ITGB3: variants seen among roughly 807,000 people sequenced by gnomAD.
ITGB3 encodes integrin beta-3.
A neutral mutation model predicts 85.8 loss-of-function variants in ITGB3; 48 were observed. The ratio of observed to expected loss-of-function variants is 0.56; its 90% CI spans 0.44 to 0.71. The LOEUF is 0.71. ITGB3 is among the 30% of genes least tolerant of loss of function. The pLI is 0.00. For missense variants in ITGB3, 861 were observed against 1,019.1 expected, an observed-to-expected ratio of 0.84 and a Z score of 2.11; for synonymous variants, 363 against 395.6, an observed-to-expected ratio of 0.92 and a Z score of 0.98.
Position 47,292,521 on chromosome 17 carries a change from A to G in ITGB3, c.1643A>G (p.Glu548Gly). The G allele has an allele frequency of 6.2e-7, 1 of 1,605,176 alleles. No homozygotes were observed. The highest frequency in any genetic ancestry group is 8.5e-7 in the Non-Finnish European group (1 of 1,179,880). ...GGCAAGATCACGGGCAAGTACTGCG[A>G]GTGTGACGACTTCTCCTGTGTCCGC... ...DFGKITGKYC[E>G]CDDFSCVRYK... Residue 548 changes from glutamate (E) to glycine (G), a missense_variant, in exon 10 of 15, where the codon GAG (glutamate) becomes GGG (glycine). Glu to Gly is a moderately conservative substitution (Grantham distance 98). Transcript: ENST00000559488.
In ITGB3 at chr17:47,286,275, C is replaced by T. The variant is rs1299160909; in HGVS notation, c.630C>T (p.Cys210=). 5.0e-6 allele frequency: 8 copies of T among 1,614,058 alleles called. No homozygotes were observed. Among genetic ancestry groups the T allele is most frequent in the Non-Finnish European group, 6.8e-6 (8 of 1,180,036 alleles). The change falls in exon 5 of 15, where the codon TGC becomes TGT. Residue 210 remains cysteine, a synonymous_variant. Coordinates refer to ENST00000559488, the MANE Select transcript of ITGB3 (RefSeq NM_000212.3). ...ENPCYDMKTT[C]LPMFGYKHVL... is the part of the protein sequence containing the mutation. ...CCCTCCCCAGTATGAAGACCACCTG[C>T]TTGCCCATGTTTGGCTACAAACACG...
chr17:47,255,233 C>T (rs1166603774), intron 1 of ITGB3, among the ~76,000 whole-genome samples: 1 of 152,120 alleles, frequency 6.6e-6, no homozygotes, highest in Non-Finnish European at 1.5e-5. Flanking sequence ...CCCACCTCAG[C>T]CTCCCAAAGT....
Position 47,300,342 on chromosome 17 carries a change from C to T in ITGB3, c.1914-136C>T, listed in dbSNP as rs530002159. On this transcript the variant is annotated intron_variant, in intron 11 of 14. Coordinates refer to ENST00000559488, the MANE Select transcript of ITGB3 (RefSeq NM_000212.3). ...CCCAGGATTGTCTTACAGGCGCGCG[C>T]GCGCGTGTGTGTGTGTGTGTGTGTG... is the stretch of plus-strand genomic sequence containing the variant. 0.042 allele frequency: 28,885 copies of T among 693,144 alleles called. 786 individuals are homozygous for T. The highest frequency in any genetic ancestry group is 0.097 in the Middle Eastern group (258 of 2,666). The allele number at this position is 693,144 out of a possible 1,614,324, so 42.9% of individuals were successfully genotyped here. A position where few individuals can be genotyped will look rare whatever the true frequency, so the allele number is the denominator to read the frequency against.
intron 1 of ITGB3, among the ~76,000 whole-genome samples, chr17:47,256,481 C>T (rs1006210020): frequency 6.6e-6 from 1 of 151,678 alleles, no homozygotes; most frequent in Non-Finnish European, 1.5e-5. Context: ...ATACCCCCCC[C>T]CCCAACCTCA....
chr17:47,260,798 T>G (rs2065006468), intron 1 of ITGB3, among the ~76,000 whole-genome samples: 1 of 73,224 alleles, frequency 1.4e-5, no homozygotes, highest in Non-Finnish European at 3.2e-5. Flanking sequence ...GTTTATTCCT[T>G]TTTTTTTTTC....
chr17:47,292,700 T>C (rs2143114669), intron 10 of ITGB3, 132 bp downstream of exon 10: 1 of 897,380 alleles, frequency 1.1e-6, no homozygotes, highest in Non-Finnish European at 1.7e-6. Flanking sequence ...TCCTAATCTT[T>C]TTGAGTATAA....
At chr17:47,276,120 AGT>A (rs1439156633) in intron 2 of ITGB3, among the ~76,000 whole-genome samples, 1 of 152,144 alleles carries the variant, frequency 6.6e-6, no homozygotes, top group Non-Finnish European at 1.5e-5. Flanking sequence ...CAGAAGCCCT[AGT>A]GTCACTCAAA....
Position 47,308,091 on chromosome 17 carries a change from A to G in ITGB3, c.2301+454A>G, listed in dbSNP as rs570275246. On this transcript the variant is annotated intron_variant, in intron 14 of 14. Coordinates refer to ENST00000559488, the MANE Select transcript of ITGB3 (RefSeq NM_000212.3). Reference sequence around the variant, plus strand: ...TGAAGCAGGAGGATTGCTTGAACCCAGTAGGTAGAGGTTGTAGTGAGCTGA... The same window carrying G: ...TGAAGCAGGAGGATTGCTTGAACCCGGTAGGTAGAGGTTGTAGTGAGCTGA... Among the ~76,000 whole-genome samples the G allele has an allele frequency of 4.0e-5, 6 of 151,204 alleles. No homozygotes were observed. The South Asian group carries it at 1.3e-3, about 32-fold the overall frequency.
rs398122374 is a variant in ITGB3 at position 47,307,567 on chromosome 17, T to G, written c.2231T>G (p.Leu744Arg). The G allele has an allele frequency of 1.2e-6, 2 of 1,614,178 alleles. No homozygotes were observed. Among genetic ancestry groups the G allele is most frequent in the Admixed American group, 1.7e-5 (1 of 60,016 alleles). Residue 744 changes from leucine (L) to arginine (R), a missense_variant, in exon 14 of 15, where the codon CTC becomes CGC. Transcript: ENST00000559488. Reference sequence around the variant, plus strand: ...GCCGCCCTGCTCATCTGGAAACTCCTCATCACCATCCACGACCGAAAAGAA... The same window carrying G: ...GCCGCCCTGCTCATCTGGAAACTCCGCATCACCATCCACGACCGAAAAGAA... Reference protein sequence around the residue: ...GLAALLIWKLLITIHDRKEFA... With the variant: ...GLAALLIWKLRITIHDRKEFA...
chr17:47,307,087 T>C (rs2065191263), intron 13 of ITGB3, among the ~76,000 whole-genome samples: 1 of 152,198 alleles, frequency 6.6e-6, no homozygotes, highest in African/African-American at 2.4e-5. Flanking sequence ...TACCTATTAT[T>C]TCATCACCCA....
chr17:47,274,179 A>T (rs2065054759), intron 1 of ITGB3, among the ~76,000 whole-genome samples: 1 of 152,178 alleles, frequency 6.6e-6, no homozygotes, highest in Non-Finnish European at 1.5e-5. Flanking sequence ...TTGCCCTGTC[A>T]CTTGTTACCA....
chr17:47,277,961 CAA>C (rs1259325431), intron 2 of ITGB3, among the ~76,000 whole-genome samples: 1 of 152,108 alleles, frequency 6.6e-6, no homozygotes, highest in Non-Finnish European at 1.5e-5. Context: ...ATCTGGAGGA[CAA>C]ATGTTCATCT....
chr17:47,286,182 C>A, intron 4 of ITGB3, 78 bp from the exon 5 acceptor site: 1 of 1,519,802 alleles, frequency 6.6e-7, no homozygotes, highest in Non-Finnish European at 9.1e-7. Flanking sequence ...CTATATTTGT[C>A]CCCTCTCTTT....
rs117851206 is a variant in ITGB3, at chr17:47,280,334, G to A, written c.166-3020G>A. ...GAGAGAGACTTTAAGCATTGGGAAG[G>A]GTTTTGGGTTACAGGGTTTTTTTGT... On this transcript the variant is annotated intron_variant, in intron 2 of 14. Transcript: ENST00000559488. 6.1e-4 allele frequency among the ~76,000 whole-genome samples: 93 copies of A among 152,160 alleles called. 2 individuals are homozygous for A. In the East Asian group the frequency reaches 0.018, roughly 29 times the overall value.
chr17:47,290,064 T>C, intron 7 of ITGB3, 121 bp from the exon 8 acceptor site: 1 of 850,128 alleles, frequency 1.2e-6, no homozygotes, highest in Non-Finnish European at 2.0e-6. Context: ...CAGTGACAAT[T>C]GAAATATCCC....
At chr17:47,275,549 G>C (rs1278923046) in intron 2 of ITGB3, among the ~76,000 whole-genome samples, 1 of 152,218 alleles carries the variant, frequency 6.6e-6, no homozygotes, top group Non-Finnish European at 1.5e-5. Context: ...ACAAGTCCCA[G>C]CCCTCTCCAG....
chr17:47,290,484 GA>G (rs1328665835), intron 8 of ITGB3, among the ~76,000 whole-genome samples: 5 of 152,214 alleles, frequency 3.3e-5, no homozygotes, highest in Admixed American at 2.0e-4. Context: ...GAGAAAGAAG[GA>G]AAGAAGATGG....
chr17:47,307,327 T>C, intron 13 of ITGB3, 144 bp from the exon 14 acceptor site: 1 of 866,728 alleles, frequency 1.2e-6, no homozygotes, highest in South Asian at 1.5e-5. Flanking sequence ...CTAATGATTG[T>C]CTCCTTAAAA....
intron 2 of ITGB3, among the ~76,000 whole-genome samples, chr17:47,276,886 A>G (rs1394395279): frequency 6.6e-6 from 1 of 152,190 alleles, no homozygotes; most frequent in East Asian, 1.9e-4. Flanking sequence ...TTTTTGAATA[A>G]TCAAACCTTG....
Sources: gnomAD v4.1 joint callset for allele counts (sites outside exome capture counted in the v4.1 genomes callset) on GRCh38, gnomAD v4.1.1 for gene constraint, MANE v1.5 for transcripts, NCBI Gene and HGNC (gene_info 2026-07-23, HGNC 2026-07-21) for gene names.